SPAG16: variants seen among roughly 807,000 people sequenced by gnomAD.
SPAG16 encodes the protein sperm associated antigen 16.
In SPAG16, 86 loss-of-function variants were observed where a neutral mutation model predicts 80.4. The observed-to-expected ratio is 1.07, with a 90% CI of 0.90 to 1.28. The LOEUF is 1.28. Ranked by LOEUF, SPAG16 falls within the 50% of genes most tolerant of loss-of-function variation. The pLI is 0.00. For synonymous variants in SPAG16, 294 were observed against 265.9 expected (o/e 1.11, Z -1.03); for missense variants, 870 against 765.3 (o/e 1.14, Z -1.61).
intron 15 of SPAG16, among the ~76,000 whole-genome samples, chr2:214,212,053 T>G (rs888130777): frequency 6.6e-6 from 1 of 152,186 alleles, no homozygotes; most frequent in Non-Finnish European, 1.5e-5. Flanking sequence ...TTGTAAAATA[T>G]AAACCAAATT....
chr2:214,340,419 T>G (rs1697591144), intron 15 of SPAG16, among the ~76,000 whole-genome samples: 1 of 152,210 alleles, frequency 6.6e-6, no homozygotes, highest in Non-Finnish European at 1.5e-5. Context: ...TTTATGAAAT[T>G]TTAAATGAAT....
At chr2:214,173,878 T>C (rs889715839) in intron 15 of SPAG16, among the ~76,000 whole-genome samples, 3 of 151,984 alleles carry the variant, frequency 2.0e-5, no homozygotes, top group African/African-American at 7.2e-5. Context: ...TTATCCACCA[T>C]GATCAAGTGG....
intron 15 of SPAG16, among the ~76,000 whole-genome samples, chr2:214,386,570 C>A (rs1191662651): frequency 6.6e-6 from 1 of 151,946 alleles, no homozygotes; most frequent in East Asian, 1.9e-4. Flanking sequence ...CTGTATAAGA[C>A]TATGAAACAG....
At chr2:213,642,441 T>A (rs560938956) in intron 10 of SPAG16, among the ~76,000 whole-genome samples, 1 of 152,176 alleles carries the variant, frequency 6.6e-6, no homozygotes, top group East Asian at 1.9e-4. Flanking sequence ...CTTGATTGCA[T>A]TGAAGGATAC....
At position 213,862,373 on chromosome 2, in the gene SPAG16, A is replaced by C. The variant is rs189739392; in HGVS notation, c.1071-112A>C. Reference sequence around the variant, plus strand: ...CTCTTATTTTGGGGCCAGTACTCTCAAAACTATCCTGCCTTGCTAAAATCG... The same window carrying C: ...CTCTTATTTTGGGGCCAGTACTCTCCAAACTATCCTGCCTTGCTAAAATCG... On this transcript the variant is annotated intron_variant, in intron 10 of 15. Transcript: ENST00000331683. 20 of 1,405,060 alleles carry C rather than the reference A, an allele frequency of 1.4e-5. No individual in the cohort carries two copies. The East Asian group carries it at 4.4e-4, about 31-fold the overall frequency. The allele number at this position is 1,405,060 out of a possible 1,614,324, so 87.0% of individuals were successfully genotyped here.
chr2:213,627,867 A>T (rs1331760748), intron 10 of SPAG16, among the ~76,000 whole-genome samples: 2 of 152,216 alleles, frequency 1.3e-5, no homozygotes, highest in African/African-American at 2.4e-5. Flanking sequence ...CATACCACAA[A>T]ATAGCGTGAG....
chr2:213,881,849 T>C (rs185348774), intron 11 of SPAG16, among the ~76,000 whole-genome samples: 20 of 152,330 alleles, frequency 1.3e-4, no homozygotes, highest in Non-Finnish European at 2.8e-4. Context: ...TTTCTTTCTC[T>C]TGCCTGTTTT....
rs1375111656 is a variant in SPAG16, at chr2:213,790,466, A to G, written c.1071-72019A>G. Among the ~76,000 whole-genome samples the G allele has an allele frequency of 2.0e-5, 3 of 151,828 alleles. No individual in the cohort carries two copies. The South Asian group carries it at 6.2e-4, about 32-fold the overall frequency. ...AAAAGCATATTTTTGGTGTAATATT[A>G]TATCTTTCATGAAGGTTTAATGGAT... On this transcript the variant is annotated intron_variant, in intron 10 of 15. Coordinates refer to ENST00000331683, the MANE Select transcript of SPAG16 (RefSeq NM_024532.5).
chr2:213,776,826 A>ACCCCCCCCC (rs140864608), intron 10 of SPAG16, among the ~76,000 whole-genome samples: 13 of 107,548 alleles, frequency 1.2e-4, no homozygotes, highest in African/African-American at 1.8e-4. Context: ...GTTCTATGCC[A>ACCCCCCCCC]CCCCCCCCCC....
chr2:213,572,049 A>G (rs1362831299), intron 10 of SPAG16, among the ~76,000 whole-genome samples: 1 of 116,950 alleles, frequency 8.6e-6, no homozygotes, highest in African/African-American at 4.2e-5. Flanking sequence ...AGGCTTCTGC[A>G]TTCTTCACGT....
intron 12 of SPAG16, among the ~76,000 whole-genome samples, chr2:213,947,026 A>G (rs1020062574): frequency 1.3e-5 from 2 of 152,152 alleles, no homozygotes; most frequent in East Asian, 1.9e-4. Flanking sequence ...GGGTGTATCA[A>G]TAGTTCCTTC....
intron 10 of SPAG16, among the ~76,000 whole-genome samples, chr2:213,723,263 C>G (rs955224228): frequency 6.6e-6 from 1 of 152,058 alleles, no homozygotes; most frequent in African/African-American, 2.4e-5. Context: ...TGTGGCTGGC[C>G]AGCTTAGCCT....
chr2:214,195,969 C>A (rs997592108), intron 15 of SPAG16, among the ~76,000 whole-genome samples: 2 of 151,848 alleles, frequency 1.3e-5, no homozygotes, highest in Non-Finnish European at 2.9e-5. Context: ...AACACCAGTA[C>A]CTAGTGGTCT....
intron 15 of SPAG16, among the ~76,000 whole-genome samples, chr2:214,389,864 C>T (rs1173813886): frequency 6.6e-6 from 1 of 152,164 alleles, no homozygotes; most frequent in East Asian, 1.9e-4. Flanking sequence ...ATATCATTGA[C>T]ATTCTTCAGT....
chr2:213,932,147 CATATATATATATATATATATATAT>C (rs61264162), intron 12 of SPAG16, among the ~76,000 whole-genome samples: 1,247 of 30,540 alleles, frequency 0.041, 38 homozygotes, highest in Middle Eastern at 0.13. Context: ...CTTGATACTG[CATATATATATATATATATATATAT>C]ATATATATAT....
At chr2:213,596,643 G>C (rs1330449623) in intron 10 of SPAG16, among the ~76,000 whole-genome samples, 1 of 152,126 alleles carries the variant, frequency 6.6e-6, no homozygotes, top group Non-Finnish European at 1.5e-5. Flanking sequence ...TAAGATTAAG[G>C]ATTCTAAGTG....
At chr2:213,459,460 G>A (rs2072232529) in intron 9 of SPAG16, among the ~76,000 whole-genome samples, 1 of 152,156 alleles carries the variant, frequency 6.6e-6, no homozygotes, top group Admixed American at 6.5e-5. Context: ...TAATCCAATG[G>A]GTGATTGAGA....
intron 11 of SPAG16, among the ~76,000 whole-genome samples, chr2:213,895,788 T>C (rs973217601): frequency 7.2e-5 from 11 of 152,088 alleles, no homozygotes; most frequent in Admixed American, 3.9e-4. Context: ...AAAAATGGAC[T>C]AAAGACTTAA....
At chr2:214,309,200 T>C (rs2125974263) in intron 15 of SPAG16, among the ~76,000 whole-genome samples, 1 of 152,316 alleles carries the variant, frequency 6.6e-6, no homozygotes, top group South Asian at 2.1e-4. Context: ...ACTTTTGTAA[T>C]TGCATTATGA....
Sources: allele counts gnomAD v4.1 joint callset (sites outside exome capture counted in the v4.1 genomes callset), GRCh38; gene constraint gnomAD v4.1.1; transcripts MANE v1.5; gene names NCBI Gene and HGNC (gene_info 2026-07-23, HGNC 2026-07-21).